MGMT: variants seen among roughly 807,000 people sequenced by gnomAD.
MGMT encodes the protein methylated-DNA--protein-cysteine methyltransferase.
MGMT carries 14 observed loss-of-function variants against 15.9 expected under a neutral mutation model. The ratio of observed to expected loss-of-function variants is 0.88; its 90% CI spans 0.58 to 1.37. The LOEUF is 1.37. MGMT is among the 40% of genes most tolerant of loss of function. The pLI, the probability that MGMT is intolerant of heterozygous loss-of-function variation, is 0.00. For missense variants in MGMT, 282 were observed against 268.1 expected (o/e 1.05, Z -0.36); for synonymous variants, 130 against 118.2 (o/e 1.10, Z -0.65).
At chr10:129,660,057 T>C (rs1847578210) in intron 2 of MGMT, among the ~76,000 whole-genome samples, 1 of 152,222 alleles carries the variant, frequency 6.6e-6, no homozygotes, top group African/African-American at 2.4e-5. Flanking sequence ...TTTGGTTTTT[T>C]ACTGCCAATT....
chr10:129,645,726 A>G (rs11016853), intron 2 of MGMT, among the ~76,000 whole-genome samples: 73,492 of 152,054 alleles, frequency 0.48, 19,145 homozygotes, highest in African/African-American at 0.66. Context: ...TCTTGTGGAC[A>G]CGTTCTTTCT....
intron 2 of MGMT, among the ~76,000 whole-genome samples, chr10:129,679,609 G>C (rs1469049856): frequency 6.6e-6 from 1 of 152,178 alleles, no homozygotes; most frequent in African/African-American, 2.4e-5. Context: ...CTGATGTCGG[G>C]ACGTGCTGTG....
rs921137688 is a variant in MGMT at position 129,769,193 on chromosome 10, A to T, written c.*2196A>T. ...CTCCGAGGGTTTCCGCGGCCCTGTC[A>T]GAACAGGCTTGATAGATGCCCGGAG... On this transcript the variant is annotated 3_prime_UTR_variant, in exon 5 of 5. Transcript: ENST00000651593. The T allele has an allele frequency of 2.6e-5, 4 of 152,286 alleles. No homozygotes were observed. Among genetic ancestry groups the T allele is most frequent in the Admixed American group, 2.6e-4 (4 of 15,290 alleles). 9.4% of individuals were successfully genotyped at this position (152,286 alleles called of 1,614,324 possible).
intron 1 of MGMT, among the ~76,000 whole-genome samples, chr10:129,510,346 G>A (rs762495425): frequency 6.6e-5 from 10 of 152,252 alleles, no homozygotes; most frequent in Non-Finnish European, 1.2e-4. Context: ...TTGAACAGGT[G>A]AGAGGACTGA....
chr10:129,584,159 C>T (rs542292463), intron 2 of MGMT, among the ~76,000 whole-genome samples: 8 of 152,258 alleles, frequency 5.3e-5, no homozygotes, highest in East Asian at 1.9e-4. Context: ...ACATGAAAGC[C>T]GCTCTCAACA....
At chr10:129,686,430 A>G (rs2133124089) in intron 2 of MGMT, among the ~76,000 whole-genome samples, 1 of 152,184 alleles carries the variant, frequency 6.6e-6, no homozygotes, top group East Asian at 1.9e-4. Context: ...GCTGGAGTAC[A>G]GTGGTGTGAT....
At chr10:129,608,826 G>A (rs991960395) in intron 2 of MGMT, among the ~76,000 whole-genome samples, 1 of 152,254 alleles carries the variant, frequency 6.6e-6, no homozygotes, top group African/African-American at 2.4e-5. Flanking sequence ...CCCCAGCTGA[G>A]GCCCCGTCCG....
At chr10:129,595,205 G>A (rs1846737186) in intron 2 of MGMT, among the ~76,000 whole-genome samples, 1 of 152,156 alleles carries the variant, frequency 6.6e-6, no homozygotes. Context: ...ATTCTCCTCG[G>A]CACAGGAGGG....
chr10:129,476,580 T>C (rs1845297070), intron 1 of MGMT, among the ~76,000 whole-genome samples: 1 of 152,028 alleles, frequency 6.6e-6, no homozygotes, highest in Admixed American at 6.6e-5. Flanking sequence ...CCATGGTCTG[T>C]TGGGGTTCCT....
intron 2 of MGMT, among the ~76,000 whole-genome samples, chr10:129,605,958 T>C (rs1390658438): frequency 1.3e-5 from 2 of 152,152 alleles, no homozygotes; most frequent in Non-Finnish European, 2.9e-5. Flanking sequence ...GCAAAGTCCT[T>C]ATCTCCATTT....
At chr10:129,687,456 G>T (rs1013954942) in intron 2 of MGMT, among the ~76,000 whole-genome samples, 4 of 152,150 alleles carry the variant, frequency 2.6e-5, no homozygotes, top group Admixed American at 1.3e-4. Flanking sequence ...TGCACAGGGG[G>T]GACCCAGAAG....
intron 1 of MGMT, among the ~76,000 whole-genome samples, chr10:129,490,862 T>G (rs2119656161): frequency 6.6e-6 from 1 of 152,336 alleles, no homozygotes; most frequent in Admixed American, 6.5e-5. Flanking sequence ...TTTCATTTAG[T>G]GATTAGCCTA....
rs977670516 is a variant in MGMT at position 129,770,567 on chromosome 10, C to T, written c.*3570C>T. On this transcript the variant is annotated 3_prime_UTR_variant, in exon 5 of 5. Coordinates refer to ENST00000651593, the MANE Select transcript of MGMT (RefSeq NM_002412.5). ...GGTGGCGCCAGCTCGGACTTCACCC[C>T]GTTGGAGCGGGCAGGATGTCACACT... Among the ~76,000 whole-genome samples the T allele has an allele frequency of 3.3e-5, 5 of 152,228 alleles. No individual in the cohort carries two copies. Among genetic ancestry groups the T allele is most frequent in the Admixed American group, 6.5e-5 (1 of 15,284 alleles).
At chr10:129,662,201 G>T (rs968070318) in intron 2 of MGMT, among the ~76,000 whole-genome samples, 1 of 152,120 alleles carries the variant, frequency 6.6e-6, no homozygotes, top group South Asian at 2.1e-4. Context: ...GGGGGTTAGG[G>T]GAAGTAGAGT....
chr10:129,659,322 G>A lies in MGMT; in HGVS notation c.126-48573G>A, dbSNP rs975843839. Among the ~76,000 whole-genome samples the A allele has an allele frequency of 1.9e-4, 28 of 148,916 alleles. No individual in the cohort carries two copies. The highest frequency in any genetic ancestry group is 4.0e-4 in the Admixed American group (6 of 15,090). On this transcript the variant is annotated intron_variant, in intron 2 of 4. Coordinates refer to ENST00000651593, the MANE Select transcript of MGMT (RefSeq NM_002412.5). The surrounding 1 kb of genome is among the most constrained non-coding windows in gnomAD (Gnocchi z 4.1). ...CAGTGAGCCAAGATCGCACCACTGC[G>A]CTCCAGCCTGGGTGGCAGAGCGAGA...
At chr10:129,739,559 G>A (rs1026139692) in intron 3 of MGMT, among the ~76,000 whole-genome samples, 2 of 152,148 alleles carry the variant, frequency 1.3e-5, no homozygotes, top group Non-Finnish European at 2.9e-5. Context: ...ACTGGGACGA[G>A]CATCAGCCAA....
chr10:129,668,110 A>G (rs1308648400), intron 2 of MGMT, among the ~76,000 whole-genome samples: 2 of 152,074 alleles, frequency 1.3e-5, no homozygotes, highest in African/African-American at 2.4e-5. Context: ...CTCATTTATG[A>G]TTGGTGCATT....
intron 2 of MGMT, among the ~76,000 whole-genome samples, chr10:129,602,181 A>G (rs1846831072): frequency 6.6e-6 from 1 of 152,212 alleles, no homozygotes; most frequent in South Asian, 2.1e-4. Flanking sequence ...ACAGAATCAT[A>G]TACATTTAAA....
At chr10:129,704,964 T>C (rs1015107258) in intron 2 of MGMT, among the ~76,000 whole-genome samples, 2 of 152,144 alleles carry the variant, frequency 1.3e-5, no homozygotes, top group Non-Finnish European at 2.9e-5. Flanking sequence ...GAAGTAACCC[T>C]GGACACACCC....
Sources: allele counts gnomAD v4.1 joint callset (sites outside exome capture counted in the v4.1 genomes callset), GRCh38; gene constraint gnomAD v4.1.1; non-coding constraint Gnocchi (gnomAD v3.1); transcripts MANE v1.5; gene names NCBI Gene and HGNC (gene_info 2026-07-23, HGNC 2026-07-21).